The following KLF7 variants were observed in gnomAD, a reference collection of about 807,000 sequenced individuals.
The protein encoded by KLF7 is Krueppel-like factor 7.
KLF7 carries 2 observed loss-of-function variants against 27.3 expected under a neutral mutation model. The observed-to-expected ratio is 0.07, with a 90% CI of 0.03 to 0.23. The LOEUF is 0.23. Among genes scored for constraint, KLF7 ranks in the 10% least tolerant of loss-of-function variants. The pLI is 1.00. For synonymous variants in KLF7, 165 were observed against 162.4 expected (o/e 1.02, Z -0.12); for missense variants, 221 against 394.1 (o/e 0.56, Z 3.72).
chr2:207,165,393 A>T (rs1052785560), intron 1 of KLF7, 74 bp downstream of exon 1: 50 of 1,602,746 alleles, frequency 3.1e-5, no homozygotes, highest in Middle Eastern at 1.7e-4. Context: ...ATTTCAACCC[A>T]GAGCCCACAC....
chr2:207,137,512 T>C (rs1254230680), intron 1 of KLF7, among the ~76,000 whole-genome samples: 1 of 152,166 alleles, frequency 6.6e-6, no homozygotes, highest in South Asian at 2.1e-4. Context: ...TACTGAGAAG[T>C]GCTATTTATT....
intron 1 of KLF7, among the ~76,000 whole-genome samples, chr2:207,151,094 A>G (rs1384221862): frequency 6.6e-6 from 1 of 151,836 alleles, no homozygotes; most frequent in Non-Finnish European, 1.5e-5. Flanking sequence ...GGCGTTAAAG[A>G]CATGGCACCT....
intron 2 of KLF7, among the ~76,000 whole-genome samples, chr2:207,099,550 C>CCATATATATATATATATATATA (rs1359258095): frequency 4.4e-5 from 1 of 22,842 alleles, no homozygotes; most frequent in Non-Finnish European, 8.9e-5. Flanking sequence ...GCTACATATG[C>CCATATATATATATATATATATA]GATATATATA....
chr2:207,169,088 A>G (rs983755711), upstream of KLF7, among the ~76,000 whole-genome samples: 3 of 152,170 alleles, frequency 2.0e-5, no homozygotes, highest in Non-Finnish European at 2.9e-5. Context: ...GCTCATTACC[A>G]TGTGTCCAGT....
chr2:207,119,436 G>C (rs544163069), intron 2 of KLF7, among the ~76,000 whole-genome samples: 11 of 148,522 alleles, frequency 7.4e-5, no homozygotes, highest in Non-Finnish European at 1.3e-4. Flanking sequence ...TTTAAAAATT[G>C]ATTTTTGCTG....
chr2:207,157,229 A>G (rs1349936179), intron 1 of KLF7, among the ~76,000 whole-genome samples: 1 of 151,486 alleles, frequency 6.6e-6, no homozygotes, highest in Non-Finnish European at 1.5e-5. Flanking sequence ...TAAAAAAAAA[A>G]AAAAAAAAAA....
chr2:207,114,007 G>A (rs2077109898), intron 2 of KLF7, among the ~76,000 whole-genome samples: 1 of 152,090 alleles, frequency 6.6e-6, no homozygotes, highest in African/African-American at 2.4e-5. Context: ...CCAGCAAATT[G>A]CCCTCTGCCT....
chr2:207,115,517 C>T (rs1409921681), intron 2 of KLF7, among the ~76,000 whole-genome samples: 2 of 152,176 alleles, frequency 1.3e-5, no homozygotes, highest in Admixed American at 6.5e-5. Context: ...CAGTGGTTGG[C>T]TGAATAACCA....
At chr2:207,166,239 G>T (rs529959989), upstream of KLF7, 93 of 944,980 alleles carry the variant, frequency 9.8e-5, no homozygotes, top group South Asian at 3.8e-3. Flanking sequence ...CCAATGGGGA[G>T]CCCGGAGCAG....
chr2:207,075,911 G>A lies in KLF7; in HGVS notation c.*5302C>T, dbSNP rs2076168397. 1 of 152,122 alleles carries A rather than the reference G, an allele frequency of 6.6e-6. No homozygotes were observed. Among genetic ancestry groups the A allele is most frequent in the East Asian group, 1.9e-4 (1 of 5,194 alleles). The allele number at this position is 152,122 out of a possible 1,614,324, so 9.4% of individuals were successfully genotyped here. A position where few individuals can be genotyped will look rare whatever the true frequency, so the allele number is the denominator to read the frequency against. ...CAGCCAATAAGCCCCAAAGCCTTCA[G>A]GACCTAGGTTTGCAGAAATCGTTCT... On this transcript the variant is annotated 3_prime_UTR_variant, in exon 4 of 4. Transcript: ENST00000309446.
chr2:207,086,472 A>G (rs1168834128), intron 3 of KLF7, among the ~76,000 whole-genome samples: 1 of 152,100 alleles, frequency 6.6e-6, no homozygotes, highest in Non-Finnish European at 1.5e-5. Context: ...GATCTACTCA[A>G]TCTCCCACAA....
intron 2 of KLF7, among the ~76,000 whole-genome samples, chr2:207,097,649 T>A (rs945525526): frequency 3.3e-5 from 5 of 152,220 alleles, no homozygotes; most frequent in Admixed American, 6.5e-5. Context: ...AGACAAAGTG[T>A]TAGATTCTTG....
intron 2 of KLF7, among the ~76,000 whole-genome samples, chr2:207,119,749 G>T (rs1457587130): frequency 6.6e-6 from 1 of 152,028 alleles, no homozygotes; most frequent in Non-Finnish European, 1.5e-5. Context: ...TGTCACCCAG[G>T]CTGGAGTGCA....
chr2:207,164,910 T>C (rs2078659189), intron 1 of KLF7, among the ~76,000 whole-genome samples: 1 of 152,142 alleles, frequency 6.6e-6, no homozygotes, highest in Non-Finnish European at 1.5e-5. Context: ...TTCTCTCTTT[T>C]GCCTACCTTC....
In KLF7 at chr2:207,152,956, T is replaced by C. The variant is rs143303965; in HGVS notation, c.102+12511A>G. Among the ~76,000 whole-genome samples the C allele has an allele frequency of 1.2e-4, 18 of 152,176 alleles. 1 individual carries two copies. In the East Asian group the frequency reaches 2.5e-3, roughly 21 times the overall value. ...CTAAAAGCATTCAAATTAAAGGGAATTGAAATATGCATGCCGGCCAAATAA... is the reference window on the plus strand; with the variant it reads ...CTAAAAGCATTCAAATTAAAGGGAACTGAAATATGCATGCCGGCCAAATAA... On this transcript the variant is annotated intron_variant, in intron 1 of 3. Transcript: ENST00000309446.
At chr2:207,089,165 T>C (rs2700165) in intron 2 of KLF7, among the ~76,000 whole-genome samples, 33,775 of 152,194 alleles carry the variant, frequency 0.22, 3,981 homozygotes, top group South Asian at 0.29. Context: ...GGTCTACAAT[T>C]TCAGAGTAAA....
At chr2:207,127,225 AC>A (rs1037728887) in intron 1 of KLF7, among the ~76,000 whole-genome samples, 2 of 152,114 alleles carry the variant, frequency 1.3e-5, no homozygotes, top group African/African-American at 4.8e-5. Flanking sequence ...CAATCCTAAT[AC>A]AGGGCATTTT....
intron 3 of KLF7, among the ~76,000 whole-genome samples, chr2:207,085,639 G>A (rs1029779428): frequency 6.6e-6 from 1 of 152,184 alleles, no homozygotes; most frequent in African/African-American, 2.4e-5. Context: ...AGTATGTGCC[G>A]TGGGTCAAGT....
intron 1 of KLF7, among the ~76,000 whole-genome samples, chr2:207,162,221 C>G (rs1162643528): frequency 1.3e-5 from 2 of 152,108 alleles, no homozygotes; most frequent in Non-Finnish European, 2.9e-5. Context: ...GAATGAGTTT[C>G]CCTTTACTCA....
Sources: allele counts gnomAD v4.1 joint callset (sites outside exome capture counted in the v4.1 genomes callset), GRCh38; gene constraint gnomAD v4.1.1; transcripts MANE v1.5; gene names NCBI Gene and HGNC (gene_info 2026-07-23, HGNC 2026-07-21).